The following CREBBP variants were observed in gnomAD, a reference collection of about 807,000 sequenced individuals.
The protein encoded by CREBBP is CREB-binding protein.
CREBBP carries 19 observed loss-of-function variants against 265.0 expected under a neutral mutation model. The observed-to-expected ratio is 0.07, with a 90% CI of 0.05 to 0.11. The LOEUF (loss-of-function observed/expected upper bound fraction) is 0.11, where lower values mean the gene tolerates loss of function less well. CREBBP is among the 10% of genes least tolerant of loss of function. The pLI is 1.00. For missense variants in CREBBP, 2,525 were observed against 3,219.0 expected (o/e 0.78, Z 5.22); for synonymous variants, 1,457 against 1,223.7 (o/e 1.19, Z -3.98).
intron 3 of CREBBP, among the ~76,000 whole-genome samples, chr16:3,807,246 G>A (rs754576857): frequency 1.3e-4 from 20 of 152,144 alleles, no homozygotes; most frequent in Non-Finnish European, 2.6e-4. Flanking sequence ...TAGGAGGGGA[G>A]AGGAACAAGA....
chr16:3,861,737 A>C (rs749289132), intron 1 of CREBBP, among the ~76,000 whole-genome samples: 1 of 151,606 alleles, frequency 6.6e-6, no homozygotes, highest in Non-Finnish European at 1.5e-5. Flanking sequence ...GCATTTAAAC[A>C]AGTTCCCAAA....
intron 5 of CREBBP, among the ~76,000 whole-genome samples, chr16:3,787,722 C>A (rs755481978): frequency 6.6e-6 from 1 of 151,744 alleles, no homozygotes; most frequent in East Asian, 1.9e-4. Context: ...TGCAGTGGTG[C>A]GATCTTGGCT....
chr16:3,790,618 G>C (rs576915203), intron 5 of CREBBP, among the ~76,000 whole-genome samples: 1 of 152,160 alleles, frequency 6.6e-6, no homozygotes, highest in South Asian at 2.1e-4. Flanking sequence ...CCAAAGTGTT[G>C]GGATTACAGG....
intron 1 of CREBBP, among the ~76,000 whole-genome samples, chr16:3,878,805 G>C (rs1390742656): frequency 1.3e-5 from 2 of 152,180 alleles, no homozygotes; most frequent in African/African-American, 4.8e-5. Context: ...TTGCGGCAAA[G>C]GAGAGAGCTC....
In CREBBP at chr16:3,739,668, A is replaced by C; in HGVS notation, c.4190T>G (p.Phe1397Cys). 6.2e-7 allele frequency: 1 copy of C among 1,614,218 alleles called. No individual in the cohort carries two copies. The highest frequency in any genetic ancestry group is 8.5e-7 in the Non-Finnish European group (1 of 1,180,034). ...CACGCCGTCAATTTCCTCAAAAGCA[A>C]ACAGAGCTTTGGTTCGATATGGGAA... ...ESFPYRTKAL[F>C]AFEEIDGVDV... The change falls in exon 25 of 31, where the codon TTT becomes TGT. Residue 1397 changes from phenylalanine to cysteine, a missense_variant. By Grantham distance (205) the Phe-to-Cys change is radical. Around this residue, in one of 19 missense-constraint regions of CREBBP, gnomAD observed 252 missense variants for 452.5 expected, o/e 0.56. Transcript: ENST00000262367.
Position 3,806,736 on chromosome 16 carries a change from C to G in CREBBP, c.975+3867G>C, listed in dbSNP as rs2053838227. Among the ~76,000 whole-genome samples, 5 of 152,248 alleles carry G rather than the reference C, an allele frequency of 3.3e-5. No homozygotes were observed. In the South Asian group the frequency reaches 1.0e-3, roughly 32 times the overall value. On this transcript the variant is annotated intron_variant, in intron 3 of 30. Coordinates refer to ENST00000262367, the MANE Select transcript of CREBBP (RefSeq NM_004380.3). ...GGCTTCAACTTCCTGCATCACACCC[C>G]ACCCTGTAAGCCGATGGCCCATCTT...
chr16:3,777,074 G>A (rs1321499633), intron 11 of CREBBP, among the ~76,000 whole-genome samples: 1 of 151,872 alleles, frequency 6.6e-6, no homozygotes, highest in African/African-American at 2.4e-5. Context: ...CGGGTGCAGT[G>A]GCTCACTCCT....
At chr16:3,878,675 G>C (rs1300810131) in intron 1 of CREBBP, among the ~76,000 whole-genome samples, 1 of 152,108 alleles carries the variant, frequency 6.6e-6, no homozygotes, top group East Asian at 1.9e-4. Flanking sequence ...TGAAGGCAGC[G>C]ATGTAATTCA....
intron 2 of CREBBP, among the ~76,000 whole-genome samples, chr16:3,845,842 A>C (rs2054655626): frequency 6.7e-6 from 1 of 148,188 alleles, no homozygotes; most frequent in South Asian, 2.1e-4. Context: ...AGCTGAGATC[A>C]TGCTACTGCA....
intron 21 of CREBBP, among the ~76,000 whole-genome samples, chr16:3,748,869 G>A (rs1449132878): frequency 1.3e-5 from 2 of 152,216 alleles, no homozygotes; most frequent in African/African-American, 4.8e-5. Context: ...AACAGGGCCG[G>A]GCGCGGTGGC....
intron 4 of CREBBP, among the ~76,000 whole-genome samples, chr16:3,793,037 A>G (rs912021747): frequency 4.6e-5 from 7 of 152,232 alleles, no homozygotes; most frequent in African/African-American, 1.7e-4. Flanking sequence ...TCATTGCCCC[A>G]AAAGAAAACC....
At chr16:3,866,839 A>AT (rs1474622883) in intron 1 of CREBBP, among the ~76,000 whole-genome samples, 2 of 152,032 alleles carry the variant, frequency 1.3e-5, no homozygotes, top group Non-Finnish European at 2.9e-5. Context: ...TTGTTTATTG[A>AT]TTCTCAGTCT....
At chr16:3,801,325 C>G (rs180956068) in intron 3 of CREBBP, among the ~76,000 whole-genome samples, 2 of 152,314 alleles carry the variant, frequency 1.3e-5, no homozygotes. Flanking sequence ...TTAAATCTTA[C>G]TCATGAGAGA....
At chr16:3,772,690 G>T (rs1043476166) in intron 13 of CREBBP, among the ~76,000 whole-genome samples, 4 of 152,022 alleles carry the variant, frequency 2.6e-5, no homozygotes, top group Non-Finnish European at 4.4e-5. Context: ...CTAGAGAAAT[G>T]AAATGTTATG....
At chr16:3,796,584 A>C (rs2053613439) in intron 3 of CREBBP, among the ~76,000 whole-genome samples, 1 of 151,778 alleles carries the variant, frequency 6.6e-6, no homozygotes. Context: ...ATGGGGTTTC[A>C]CCATGTTGGC....
chr16:3,796,262 A>T (rs752576305), intron 3 of CREBBP, among the ~76,000 whole-genome samples: 1 of 152,190 alleles, frequency 6.6e-6, no homozygotes, highest in African/African-American at 2.4e-5. Flanking sequence ...TTCTTTTTTT[A>T]AAATTTCAGA....
intron 2 of CREBBP, chr16:3,813,019 G>C: frequency 4.5e-6 from 1 of 224,560 alleles, no homozygotes; most frequent in East Asian, 6.4e-5. Flanking sequence ...CCTGTAAGAT[G>C]AGTGTCTTGA....
rs563965527 is a variant in CREBBP at position 3,729,641 on chromosome 16, C to A, written c.5406G>T (p.Val1802=). The A allele has an allele frequency of 9.3e-6, 15 of 1,614,046 alleles. No homozygotes were observed. Among genetic ancestry groups the A allele is most frequent in the Non-Finnish European group, 1.3e-5 (15 of 1,180,002 alleles). Residue 1802 remains valine (V), a synonymous_variant, in exon 31 of 31, where the codon GTG becomes GTT. Transcript: ENST00000262367. The part of the protein sequence containing the change: ...LPSCQKMKRV[V]QHTKGCKRKT... ...TGCGTTTGCAGCCCTTGGTGTGCTG[C>A]ACCACCCGCTTCATCTTCTGGCAGG... is the stretch of plus-strand genomic sequence containing the variant.
chr16:3,766,463 T>A (rs979912447), intron 16 of CREBBP, among the ~76,000 whole-genome samples: 3 of 152,238 alleles, frequency 2.0e-5, no homozygotes, highest in South Asian at 2.1e-4. Flanking sequence ...GTTTTTCATA[T>A]AAATGTTTTC....
Sources: gnomAD v4.1 joint callset for allele counts (sites outside exome capture counted in the v4.1 genomes callset) on GRCh38, gnomAD v4.1.1 for gene constraint, gnomAD v4.1.1 regional missense constraint, MANE v1.5 for transcripts, NCBI Gene and HGNC (gene_info 2026-07-23, HGNC 2026-07-21) for gene names.